Variants in SULT1A1 observed in about 807,000 individuals in gnomAD.
SULT1A1 encodes the protein sulfotransferase family 1A member 1.
In SULT1A1, 35 loss-of-function variants were observed where a neutral mutation model predicts 36.8. That is an observed-to-expected ratio of 0.95 (90% confidence interval 0.73 to 1.26). The LOEUF (loss-of-function observed/expected upper bound fraction) is 1.26, where lower values mean the gene tolerates loss of function less well. Among genes scored for constraint, SULT1A1 ranks in the 50% most tolerant of loss-of-function variants. The pLI is 0.00. For synonymous variants in SULT1A1, 119 were observed against 146.0 expected (o/e 0.82, Z 1.33); for missense variants, 309 against 383.0 (o/e 0.81, Z 1.61).
At chr16:28,608,019 T>C in intron 4 of SULT1A1, 1 of 321,594 alleles carries the variant, frequency 3.1e-6, no homozygotes. Flanking sequence ...TGAGTTTTGC[T>C]CTTGTTGCTC....
intron 2 of SULT1A1, among the ~76,000 whole-genome samples, chr16:28,616,928 C>T (rs773132934): frequency 6.6e-6 from 1 of 152,184 alleles, no homozygotes; most frequent in Non-Finnish European, 1.5e-5. Flanking sequence ...TACCGTGGTG[C>T]TTTACACATT....
intron 1 of SULT1A1, among the ~76,000 whole-genome samples, chr16:28,620,882 G>A (rs1475231857): frequency 6.6e-5 from 10 of 152,104 alleles, no homozygotes; most frequent in East Asian, 1.9e-4. Flanking sequence ...AAGTTGAGGC[G>A]AGCGGATCAC....
chr16:28,606,479 T>G (rs1274916967), intron 6 of SULT1A1, among the ~76,000 whole-genome samples: 1 of 151,876 alleles, frequency 6.6e-6, no homozygotes, highest in African/African-American at 2.4e-5. Context: ...CTTCTGTGAC[T>G]GTGGCCCTGG....
At chr16:28,623,299 T>G (rs1199821231) in exon 1 of SULT1A1, 1 of 1,537,346 alleles carries the variant, frequency 6.5e-7, no homozygotes, top group African/African-American at 1.4e-5. Context: ...ACGCGCCGCG[T>G]CTGGCGCCAG....
exon 2 of SULT1A1, chr16:28,620,066 A>G: frequency 1.9e-6 from 3 of 1,612,932 alleles, no homozygotes; most frequent in Non-Finnish European, 8.5e-7. Context: ...GTCTTACCAT[A>G]TAGGTGTTCC....
intron 2 of SULT1A1, among the ~76,000 whole-genome samples, chr16:28,616,990 T>C (rs2047559444): frequency 6.6e-6 from 1 of 151,048 alleles, no homozygotes; most frequent in African/African-American, 2.4e-5. Flanking sequence ...CCCCAGTATG[T>C]GCCTAACTCC....
At chr16:28,608,921 AATTCTTG>A in intron 1 of SULT1A1, 62 bp from the exon 2 acceptor site, 2 of 1,609,754 alleles carry the variant, frequency 1.2e-6, no homozygotes, top group Non-Finnish European at 1.7e-6. Context: ...AAGAAAGTGG[AATTCTTG>A]CTTTCAGGGA....
exon 2 of SULT1A1, chr16:28,620,094 T>G: frequency 6.2e-7 from 1 of 1,613,300 alleles, no homozygotes; most frequent in Non-Finnish European, 8.5e-7. Flanking sequence ...CTGTTTCAGG[T>G]CCAAAAATAT....
Position 28,608,474 on chromosome 16 carries a change from A to G in SULT1A1, c.274+4T>C, listed in dbSNP as rs202151931. The G allele has an allele frequency of 6.2e-7, 1 of 1,612,316 alleles. No homozygotes were observed. The highest frequency in any genetic ancestry group is 8.5e-7 in the Non-Finnish European group (1 of 1,178,670). On this transcript the variant is annotated splice_donor_region_variant and intron_variant, in intron 3 of 7. Coordinates refer to ENST00000314752, the MANE Select transcript of SULT1A1 (RefSeq NM_001055.4). ...CCCCTTGCACCCAGGACACACTCAC[A>G]CACCTGAGGGAATCCCTGGGGCTTT... is the stretch of plus-strand genomic sequence containing the variant.
chr16:28,620,326 AG>A (rs2047626941), intron 1 of SULT1A1, among the ~76,000 whole-genome samples: 1 of 152,150 alleles, frequency 6.6e-6, no homozygotes, highest in South Asian at 2.1e-4. Flanking sequence ...GCACTTTGGG[AG>A]GCCGAGGCAG....
In SULT1A1 at chr16:28,609,943, G is replaced by A. The variant is rs2047382353; in HGVS notation, c.-17C>T. The A allele has an allele frequency of 5.4e-6, 7 of 1,287,554 alleles. No individual in the cohort carries two copies. The South Asian group carries it at 8.7e-5, about 16-fold the overall frequency. The allele number at this position is 1,287,554 out of a possible 1,614,324, so 79.8% of individuals were successfully genotyped here. On this transcript the variant is annotated 5_prime_UTR_variant, in exon 1 of 8. Transcript: ENST00000314752. ...CTGTGTCACTCACCTGAGCTCTTGGGAACCTGGCCTCGTGCCCTCCTCGCC... is the reference window on the plus strand; with the variant it reads ...CTGTGTCACTCACCTGAGCTCTTGGAAACCTGGCCTCGTGCCCTCCTCGCC...
At chr16:28,616,821 C>T (rs565832370) in intron 2 of SULT1A1, among the ~76,000 whole-genome samples, 9 of 152,262 alleles carry the variant, frequency 5.9e-5, no homozygotes, top group East Asian at 5.8e-4. Flanking sequence ...TCCTCAGCTC[C>T]GGGTGTTCAA....
intron 6 of SULT1A1, among the ~76,000 whole-genome samples, 194 bp downstream of exon 6, chr16:28,606,567 C>T (rs74459546): frequency 0.34 from 51,089 of 150,016 alleles, 8,937 homozygotes; most frequent in Admixed American, 0.4. Flanking sequence ...GACTCAGGTG[C>T]GAGAGATGAG....
chr16:28,608,153 A>C, intron 4 of SULT1A1, 138 bp downstream of exon 4: 1 of 1,251,840 alleles, frequency 8.0e-7, no homozygotes, highest in Non-Finnish European at 1.1e-6. Flanking sequence ...ACACCCGGCT[A>C]ATTTTGTATT....
rs35497673 is a variant in SULT1A1 at position 28,606,174 on chromosome 16, G to A, written c.657C>T (p.Thr219=). The A allele has an allele frequency of 5.3e-5, 85 of 1,611,698 alleles. 2 individuals are homozygous for A. The highest frequency in any genetic ancestry group is 1.1e-4 in the East Asian group (5 of 44,878). ...ACGTGTGCTGAACCACGAAGTCCAC[G>A]GTCTCCTCTGGCAGGGAGCGCCCCA... ...EFVGRSLPEE[T]VDFVVQHTSF... is the part of the protein sequence containing the mutation. Residue 219 remains threonine (T), a synonymous_variant, in exon 7 of 8, where the codon ACC becomes ACT. Coordinates refer to ENST00000314752, the MANE Select transcript of SULT1A1 (RefSeq NM_001055.4).
Position 28,609,932 on chromosome 16 carries a change from T to C in SULT1A1, c.-6A>G, listed in dbSNP as rs779327637. 1.6e-6 allele frequency: 2 copies of C among 1,286,826 alleles called. No homozygotes were observed. Among genetic ancestry groups the C allele is most frequent in the Non-Finnish European group, 2.0e-6 (2 of 986,888 alleles). The allele number at this position is 1,286,826 out of a possible 1,614,324, so 79.7% of individuals were successfully genotyped here. ...GGGCCGTTCCACTGTGTCACTCACC[T>C]GAGCTCTTGGGAACCTGGCCTCGTG... On this transcript the variant is annotated splice_region_variant and 5_prime_UTR_variant, in exon 1 of 8. Coordinates refer to ENST00000314752, the MANE Select transcript of SULT1A1 (RefSeq NM_001055.4).
chr16:28,620,563 C>CAAAAAAAA (rs5816469), intron 1 of SULT1A1, among the ~76,000 whole-genome samples: 6 of 90,832 alleles, frequency 6.6e-5, no homozygotes, highest in African/African-American at 2.1e-4. Flanking sequence ...GACCCTGTCT[C>CAAAAAAAA]AAAAAAAAAA....
At chr16:28,611,216 A>G (rs1455344695), upstream of SULT1A1, 1 of 152,180 alleles carries the variant, frequency 6.6e-6, no homozygotes, top group East Asian at 1.9e-4. Flanking sequence ...AGAATGTGAG[A>G]TTAATAGAGT....
At position 28,605,900 on chromosome 16, in the gene SULT1A1, A is replaced by C. The variant is rs199923901; in HGVS notation, c.809T>G (p.Val270Gly). The C allele has an allele frequency of 4.8e-5, 78 of 1,608,796 alleles. No individual in the cohort carries two copies. In the East Asian group the frequency reaches 1.6e-3, roughly 33 times the overall value. Residue 270 changes from valine to glycine, a missense_variant, in exon 8 of 8, where the codon GTG becomes GGG. Around this residue, in one of 3 missense-constraint regions of SULT1A1, gnomAD observed 67 missense variants for 122.0 expected, o/e 0.55. Transcript: ENST00000314752. ...MAGDWKTTFT[V>G]AQNERFDADY... ...CGCATCGAAGCGCTCATTCTGCGCC[A>C]CGGTGAAGGTGGTCTTCCAGTCCCC...
Sources: allele counts gnomAD v4.1 joint callset (sites outside exome capture counted in the v4.1 genomes callset), GRCh38; gene constraint gnomAD v4.1.1; regional missense constraint gnomAD v4.1.1; transcripts MANE v1.5; gene names NCBI Gene and HGNC (gene_info 2026-07-23, HGNC 2026-07-21).